The following TDRD12 variants were observed in gnomAD, a reference collection of about 807,000 sequenced individuals.
The protein encoded by TDRD12 is putative ATP-dependent RNA helicase TDRD12.
Under a neutral mutation model 133.5 loss-of-function variants are expected in TDRD12, and 158 were observed. The observed-to-expected ratio is 1.18, with a 90% CI of 1.04 to 1.35. The LOEUF is 1.35. Among genes scored for constraint, TDRD12 ranks in the 40% most tolerant of loss-of-function variants. The probability of loss-of-function intolerance (pLI) is 0.00; values close to 1 mark genes in which losing one functional copy is unlikely to be tolerated. For missense variants in TDRD12, 1,443 were observed against 1,321.3 expected, an observed-to-expected ratio of 1.09 and a Z score of -1.43; for synonymous variants, 460 against 477.9, an observed-to-expected ratio of 0.96 and a Z score of 0.49.
In TDRD12 at chr19:32,800,777, GT is replaced by G; in HGVS notation, c.2079+6del. On this transcript the variant is annotated splice_donor_region_variant and intron_variant, in intron 18 of 27. Transcript: ENST00000444215. ...GAAACAGAAATAGTGTGTAAGGTGA[GT>G]CCATCTCCATATAAAAAATGTTCTG... 6.6e-7 allele frequency: 1 copy of G among 1,512,672 alleles called. No homozygotes were observed. The highest frequency in any genetic ancestry group is 8.8e-7 in the Non-Finnish European group (1 of 1,139,296). The allele number at this position is 1,512,672 out of a possible 1,614,324, so 93.7% of individuals were successfully genotyped here.
chr19:32,730,026 G>A (rs891970663), intron 1 of TDRD12, among the ~76,000 whole-genome samples: 10 of 151,890 alleles, frequency 6.6e-5, no homozygotes, highest in African/African-American at 2.2e-4. Flanking sequence ...TCCTGACCTC[G>A]TGATCCGCCC....
At chr19:32,763,116 C>G (rs1286924301) in intron 8 of TDRD12, among the ~76,000 whole-genome samples, 1 of 152,124 alleles carries the variant, frequency 6.6e-6, no homozygotes, top group Non-Finnish European at 1.5e-5. Context: ...TGGTCTATTG[C>G]TGATGGAAGG....
chr19:32,824,138 A>G (rs954402187), downstream of TDRD12: 4 of 152,516 alleles, frequency 2.6e-5, no homozygotes, highest in East Asian at 1.9e-4. Flanking sequence ...GGAAAACGTC[A>G]TGCACTTTCT....
intron 1 of TDRD12, among the ~76,000 whole-genome samples, chr19:32,728,583 G>C (rs1304289934): frequency 6.7e-6 from 1 of 149,660 alleles, no homozygotes; most frequent in East Asian, 1.9e-4. Flanking sequence ...CTGTCTTACT[G>C]TACTAACTGG....
At chr19:32,757,268 G>A in intron 8 of TDRD12, 138 bp downstream of exon 8, 4 of 718,440 alleles carry the variant, frequency 5.6e-6, no homozygotes, top group Middle Eastern at 5.6e-4. Context: ...AATTTGTGAT[G>A]TAGATCCTGA....
intron 14 of TDRD12, among the ~76,000 whole-genome samples, chr19:32,796,558 C>A (rs1224964131): frequency 6.6e-6 from 1 of 150,940 alleles, no homozygotes; most frequent in Non-Finnish European, 1.5e-5. Flanking sequence ...GCACTCCAGC[C>A]TGGGCAAGAA....
Position 32,783,103 on chromosome 19 carries a change from T to G in TDRD12, c.1121+5874T>G, listed in dbSNP as rs151073429. The stretch of plus-strand genomic sequence containing the variant: ...AGGATTTTTATGGTCCTAGGTCTTG[T>G]GTTTAAGTCTTTGATCCATCTTGAG... On this transcript the variant is annotated intron_variant, in intron 11 of 27. Coordinates refer to ENST00000444215, the Ensembl canonical transcript of TDRD12. Among the ~76,000 whole-genome samples the G allele has an allele frequency of 7.9e-3, 1,196 of 152,278 alleles. 16 individuals carry two copies. Among genetic ancestry groups the G allele is most frequent in the African/African-American group, 0.027 (1,134 of 41,562 alleles).
intron 6 of TDRD12, among the ~76,000 whole-genome samples, chr19:32,753,917 TCAGGATTGCTAACC>T (rs1362984327): frequency 1.3e-5 from 2 of 152,226 alleles, no homozygotes; most frequent in East Asian, 3.9e-4. Flanking sequence ...TTAAGTAATT[TCAGGATTGCTAACC>T]CACACTCCTG....
At chr19:32,786,865 A>G (rs1970922214) in intron 11 of TDRD12, among the ~76,000 whole-genome samples, 1 of 152,168 alleles carries the variant, frequency 6.6e-6, no homozygotes, top group Non-Finnish European at 1.5e-5. Context: ...ACGATGGGTT[A>G]GAACATGCTT....
intron 16 of TDRD12, among the ~76,000 whole-genome samples, chr19:32,799,443 G>A (rs545946020): frequency 6.6e-6 from 1 of 152,234 alleles, no homozygotes; most frequent in Admixed American, 6.5e-5. Context: ...GATCTTGTCA[G>A]CCTAATTTAC....
chr19:32,797,244 G>A (rs1971258789), intron 14 of TDRD12, among the ~76,000 whole-genome samples: 1 of 152,136 alleles, frequency 6.6e-6, no homozygotes, highest in East Asian at 1.9e-4. Flanking sequence ...GCCTCCCAAA[G>A]TGCTAGGATT....
At chr19:32,815,462 C>T in exon 26 of TDRD12, 1 of 1,535,792 alleles carries the variant, frequency 6.5e-7, no homozygotes, top group Non-Finnish European at 8.7e-7. Context: ...ACATTACAAA[C>T]CTTTCCAGTT....
intron 11 of TDRD12, among the ~76,000 whole-genome samples, chr19:32,781,447 ATCT>A (rs1220558732): frequency 1.3e-5 from 2 of 151,968 alleles, no homozygotes; most frequent in East Asian, 1.9e-4. Flanking sequence ...CAGATCATCC[ATCT>A]TCTTCTTACT....
chr19:32,722,182 T>C (rs1968704666), intron 1 of TDRD12, among the ~76,000 whole-genome samples: 1 of 152,200 alleles, frequency 6.6e-6, no homozygotes. Context: ...TCCAGTCAGA[T>C]GTTGTCTGTC....
chr19:32,775,817 C>T (rs774532874), intron 10 of TDRD12, among the ~76,000 whole-genome samples: 23 of 152,246 alleles, frequency 1.5e-4, no homozygotes, highest in African/African-American at 4.6e-4. Context: ...CCTTGGCAGT[C>T]GATCTGGTTT....
chr19:32,779,010 G>A (rs1970687517), intron 11 of TDRD12, among the ~76,000 whole-genome samples: 1 of 152,214 alleles, frequency 6.6e-6, no homozygotes, highest in Admixed American at 6.5e-5. Context: ...GGATGACCTG[G>A]TGATCCTGGG....
chr19:32,744,570 C>CAT (rs1297660264), intron 4 of TDRD12, among the ~76,000 whole-genome samples: 6 of 147,924 alleles, frequency 4.1e-5, no homozygotes, highest in East Asian at 4.0e-4. Flanking sequence ...GACGTAGAGG[C>CAT]ATATATATAT....
chr19:32,779,880 C>T (rs537464855), intron 11 of TDRD12, among the ~76,000 whole-genome samples: 6 of 152,056 alleles, frequency 3.9e-5, no homozygotes, highest in Admixed American at 6.6e-5. Context: ...TTGCCACTCA[C>T]GTCATCTCTG....
chr19:32,725,614 G>T (rs571492344), intron 1 of TDRD12, among the ~76,000 whole-genome samples: 1 of 152,258 alleles, frequency 6.6e-6, no homozygotes, highest in East Asian at 1.9e-4. Flanking sequence ...TTTGGTTACT[G>T]TAGCCTTGTA....
Sources: allele counts gnomAD v4.1 joint callset (sites outside exome capture counted in the v4.1 genomes callset), GRCh38; gene constraint gnomAD v4.1.1; transcripts MANE v1.5; gene names NCBI Gene and HGNC (gene_info 2026-07-23, HGNC 2026-07-21).